SLC26A4: variants seen among roughly 807,000 people sequenced by gnomAD.
SLC26A4 encodes the protein solute carrier family 26 member 4.
In SLC26A4, 93 loss-of-function variants were observed where a neutral mutation model predicts 90.4. The observed-to-expected ratio is 1.03, with a 90% CI of 0.87 to 1.22. The LOEUF (loss-of-function observed/expected upper bound fraction) is 1.22. SLC26A4 is among the 50% of genes most tolerant of loss of function. The probability of loss-of-function intolerance (pLI) is 0.00; values close to 1 mark genes in which losing one functional copy is unlikely to be tolerated. For synonymous variants in SLC26A4, 393 were observed against 354.6 expected, an observed-to-expected ratio of 1.11 and a Z score of -1.22; for missense variants, 1,127 against 946.2, an observed-to-expected ratio of 1.19 and a Z score of -2.51.
intron 10 of SLC26A4, among the ~76,000 whole-genome samples, chr7:107,692,300 T>C (rs909691458): frequency 2.0e-5 from 3 of 152,226 alleles, no homozygotes; most frequent in Non-Finnish European, 4.4e-5. Context: ...GTGCCTGAAC[T>C]GAAATCCAGG....
In SLC26A4 at chr7:107,679,869, C is replaced by A. The variant is rs983064031; in HGVS notation, c.766-3333C>A. 1.3e-4 allele frequency among the ~76,000 whole-genome samples: 17 copies of A among 129,438 alleles called. 1 individual carries two copies. In the East Asian group the frequency reaches 2.0e-3, roughly 15 times the overall value. The allele number at this position is 129,438 out of a possible 152,430, so 84.9% of individuals were successfully genotyped here. A position where few individuals can be genotyped will look rare whatever the true frequency, so the allele number is the denominator to read the frequency against. ...ATCTTATATTATTATATTATATAAT[C>A]TTATATTATATAATCTTATCTTATA... On this transcript the variant is annotated intron_variant, in intron 6 of 20. Transcript: ENST00000644269.
At chr7:107,712,656 A>G in intron 20 of SLC26A4, 34 bp downstream of exon 20, 9 of 1,111,754 alleles carry the variant, frequency 8.1e-6, no homozygotes, top group Non-Finnish European at 1.2e-5. Flanking sequence ...AAATATTTGA[A>G]TTACATTTTG....
chr7:107,677,314 A>C (rs1037340889), intron 6 of SLC26A4, among the ~76,000 whole-genome samples: 7 of 152,182 alleles, frequency 4.6e-5, no homozygotes, highest in Non-Finnish European at 1.0e-4. Flanking sequence ...AACTTCCCTA[A>C]GCCTCAGTGT....
chr7:107,684,668 C>T (rs1317907964), intron 8 of SLC26A4, among the ~76,000 whole-genome samples: 2 of 152,144 alleles, frequency 1.3e-5, no homozygotes, highest in Admixed American at 1.3e-4. Context: ...CACCCCAAAC[C>T]TATTGAATCA....
intron 6 of SLC26A4, 81 bp from the exon 7 acceptor site, chr7:107,683,121 A>C: frequency 9.7e-7 from 1 of 1,026,884 alleles, no homozygotes; most frequent in Non-Finnish European, 1.5e-6. Flanking sequence ...TCATATGAGA[A>C]TTGATTGTGT....
chr7:107,670,361 C>T (rs954973523), intron 3 of SLC26A4, among the ~76,000 whole-genome samples: 3 of 151,982 alleles, frequency 2.0e-5, no homozygotes, highest in Non-Finnish European at 4.4e-5. Flanking sequence ...CCCACTTCGG[C>T]CTCCCAAAGT....
intron 6 of SLC26A4, among the ~76,000 whole-genome samples, chr7:107,682,288 C>A (rs1457647502): frequency 1.3e-5 from 2 of 151,520 alleles, no homozygotes; most frequent in Non-Finnish European, 1.5e-5. Flanking sequence ...TGTAACAAAC[C>A]TGCACGTTGT....
intron 3 of SLC26A4, among the ~76,000 whole-genome samples, chr7:107,671,401 A>G (rs1584303293): frequency 6.6e-6 from 1 of 152,050 alleles, no homozygotes. Context: ...CTCAACTGAT[A>G]CTCCTGCCTA....
Position 107,701,106 on chromosome 7 carries a change from A to G in SLC26A4, c.1713A>G (p.Gly571=), listed in dbSNP as rs763628820. 1.9e-6 allele frequency: 3 copies of G among 1,597,004 alleles called. No individual in the cohort carries two copies. The highest frequency in any genetic ancestry group is 2.6e-6 in the Non-Finnish European group (3 of 1,164,520). Residue 571 remains glycine, a synonymous_variant, in exon 16 of 21, where the codon GGA becomes GGG. Transcript: ENST00000644269. The stretch of plus-strand genomic sequence containing the variant: ...CTTGACATTTATTTCCAAAGGTTGG[A>G]TTTGATGCCATTAGAGTATATAATA... ...GFKKCIKSTV[G]FDAIRVYNKR... is the part of the protein sequence containing the mutation.
At chr7:107,664,208 C>T (rs994847412) in intron 3 of SLC26A4, among the ~76,000 whole-genome samples, 9 of 151,998 alleles carry the variant, frequency 5.9e-5, no homozygotes, top group African/African-American at 1.7e-4. Flanking sequence ...TATATCCACA[C>T]GTGGATCTTT....
chr7:107,672,167 C>T lies in SLC26A4; in HGVS notation c.334C>T (p.Pro112Ser), dbSNP rs1409565648. 3.1e-6 allele frequency: 5 copies of T among 1,612,810 alleles called. No homozygotes were observed. The highest frequency in any genetic ancestry group is 4.5e-5 in the East Asian group (2 of 44,834). The change falls in exon 4 of 21, where the codon CCT becomes TCT. Residue 112 changes from proline (P) to serine (S), a missense_variant. Pro to Ser is a moderately conservative substitution (Grantham distance 74). Transcript: ENST00000644269. ...GMAYALLAAV[P>S]VGYGLYSAFF... Reference sequence around the variant, plus strand: ...GGCATATGCCCTACTAGCTGCAGTTCCTGTCGGATATGGTCTCTACTCTGC... The same window carrying T: ...GGCATATGCCCTACTAGCTGCAGTTTCTGTCGGATATGGTCTCTACTCTGC...
intron 10 of SLC26A4, chr7:107,692,216 A>C (rs1419058594): frequency 1.8e-6 from 1 of 559,008 alleles, no homozygotes; most frequent in Non-Finnish European, 2.6e-6. Context: ...AGCATTAAAG[A>C]ATGAAACGAG....
intron 10 of SLC26A4, among the ~76,000 whole-genome samples, chr7:107,691,218 T>C (rs527628340): frequency 4.6e-4 from 70 of 150,770 alleles, no homozygotes; most frequent in African/African-American, 1.6e-3. Flanking sequence ...AAAATAAATA[T>C]AAGTCGGGCA....
At chr7:107,682,133 T>TAAAAAAAAAAAA (rs1401520972) in intron 6 of SLC26A4, among the ~76,000 whole-genome samples, 1 of 40,884 alleles carries the variant, frequency 2.4e-5, no homozygotes, top group African/African-American at 7.1e-5. Context: ...AAAAAAAATT[T>TAAAAAAAAAAAA]TTTTTATGTT....
At chr7:107,664,047 T>TA (rs913870792) in intron 3 of SLC26A4, among the ~76,000 whole-genome samples, 103 of 145,654 alleles carry the variant, frequency 7.1e-4, no homozygotes, top group Middle Eastern at 3.5e-3. Context: ...AGTCAAGATT[T>TA]AAAAAAAAAA....
chr7:107,689,731 C>T (rs1376819840), intron 9 of SLC26A4, among the ~76,000 whole-genome samples: 1 of 152,106 alleles, frequency 6.6e-6, no homozygotes, highest in Admixed American at 6.6e-5. Flanking sequence ...ATAGCAATAA[C>T]AGTAGTTAAA....
intron 6 of SLC26A4, among the ~76,000 whole-genome samples, chr7:107,680,195 CTTA>C (rs1262825941): frequency 2.0e-5 from 1 of 50,804 alleles, no homozygotes; most frequent in Non-Finnish European, 4.0e-5. Flanking sequence ...ATAATCTTAT[CTTA>C]TTATATAATA....
chr7:107,680,476 CTT>C (rs1791202874), intron 6 of SLC26A4, among the ~76,000 whole-genome samples: 1 of 143,388 alleles, frequency 7.0e-6, no homozygotes, highest in Admixed American at 7.1e-5. Context: ...TAAGTATAAT[CTT>C]ATATTATTAT....
rs137867889 is a variant in SLC26A4 at position 107,666,304 on chromosome 7, C to G, written c.304+2869C>G. 3.2e-3 allele frequency among the ~76,000 whole-genome samples: 492 copies of G among 152,284 alleles called. 1 individual carries two copies. The highest frequency in any genetic ancestry group is 0.011 in the African/African-American group (470 of 41,542). On this transcript the variant is annotated intron_variant, in intron 3 of 20. Coordinates refer to ENST00000644269, the MANE Select transcript of SLC26A4 (RefSeq NM_000441.2). ...TGGTGAGATCACAGCTCACCACAGC[C>G]TTGGCCTCCTGGGCCCAGGTGATCC...
Sources: gnomAD v4.1 joint callset for allele counts (sites outside exome capture counted in the v4.1 genomes callset) on GRCh38, gnomAD v4.1.1 for gene constraint, MANE v1.5 for transcripts, NCBI Gene and HGNC (gene_info 2026-07-23, HGNC 2026-07-21) for gene names.